TMEM132B: variants seen among roughly 807,000 people sequenced by gnomAD.
TMEM132B encodes transmembrane protein 132B.
TMEM132B carries 18 observed loss-of-function variants against 90.8 expected under a neutral mutation model. That is an observed-to-expected ratio of 0.20 (90% CI 0.14 to 0.29). The LOEUF (loss-of-function observed/expected upper bound fraction) is 0.29, where lower values mean the gene tolerates loss of function less well. TMEM132B is among the 10% of genes least tolerant of loss of function. The probability of loss-of-function intolerance (pLI) is 1.00; values close to 1 mark genes in which losing one functional copy is unlikely to be tolerated. For synonymous variants in TMEM132B, 504 were observed against 523.3 expected (o/e 0.96, Z 0.50); for missense variants, 1,096 against 1,326.8 (o/e 0.83, Z 2.70).
chr12:125,334,388 G>A (rs1239235124), intron 1 of TMEM132B, among the ~76,000 whole-genome samples: 5 of 103,296 alleles, frequency 4.8e-5, no homozygotes, highest in Middle Eastern at 4.1e-3. Context: ...CCTGGTGGGC[G>A]AGGAAGGGGA....
chr12:125,563,649 AG>A (rs765688869), intron 4 of TMEM132B, among the ~76,000 whole-genome samples: 25 of 152,154 alleles, frequency 1.6e-4, no homozygotes, highest in Non-Finnish European at 3.2e-4. Flanking sequence ...AAGCCAAGTG[AG>A]GTGTTCCCAT....
intron 4 of TMEM132B, among the ~76,000 whole-genome samples, chr12:125,521,815 A>G (rs566342413): frequency 1.4e-4 from 21 of 152,344 alleles, no homozygotes; most frequent in African/African-American, 4.8e-4. Flanking sequence ...CAGATCCTGC[A>G]AAGTCTTTCA....
chr12:125,641,643 C>T (rs1886633442), intron 5 of TMEM132B, among the ~76,000 whole-genome samples: 1 of 152,188 alleles, frequency 6.6e-6, no homozygotes, highest in South Asian at 2.1e-4. Context: ...CTATACATCA[C>T]TTCCTAAAAG....
intron 3 of TMEM132B, among the ~76,000 whole-genome samples, chr12:125,501,688 G>A (rs1410831608): frequency 6.6e-6 from 1 of 152,152 alleles, no homozygotes; most frequent in Non-Finnish European, 1.5e-5. Flanking sequence ...GCTGAATAAT[G>A]TACTGGGGTC....
chr12:125,556,306 T>C (rs559518439), intron 4 of TMEM132B, among the ~76,000 whole-genome samples: 2 of 152,360 alleles, frequency 1.3e-5, no homozygotes, highest in East Asian at 3.9e-4. Flanking sequence ...GTATATATCA[T>C]TTATAAATGC....
At chr12:125,648,428 A>T (rs903313424) in intron 6 of TMEM132B, among the ~76,000 whole-genome samples, 1 of 152,082 alleles carries the variant, frequency 6.6e-6, no homozygotes, top group South Asian at 2.1e-4. Flanking sequence ...TATGTTAATA[A>T]GCTCTATGTA....
chr12:125,291,538 C>T (rs1196669785), intron 1 of TMEM132B, among the ~76,000 whole-genome samples: 1 of 152,100 alleles, frequency 6.6e-6, no homozygotes, highest in Non-Finnish European at 1.5e-5. Flanking sequence ...TGAGAGCAGC[C>T]CCTGGCTGAC....
chr12:125,420,560 G>A (rs1310305592), intron 3 of TMEM132B, among the ~76,000 whole-genome samples: 1 of 152,126 alleles, frequency 6.6e-6, no homozygotes, highest in African/African-American at 2.4e-5. Flanking sequence ...TTTTTCCCTG[G>A]GCTTCTGGGC....
intron 5 of TMEM132B, among the ~76,000 whole-genome samples, chr12:125,629,307 C>A (rs1362174857): frequency 6.6e-6 from 1 of 151,948 alleles, no homozygotes; most frequent in Non-Finnish European, 1.5e-5. Flanking sequence ...TTGCTGTCCC[C>A]TTTAATTTCT....
At chr12:125,549,887 C>T (rs2136755759) in intron 4 of TMEM132B, among the ~76,000 whole-genome samples, 1 of 152,278 alleles carries the variant, frequency 6.6e-6, no homozygotes, top group Non-Finnish European at 1.5e-5. Context: ...GCCCTTGAAC[C>T]TTCTAGAACG....
In TMEM132B at chr12:125,650,578, C is replaced by A. The variant is rs79111190; in HGVS notation, c.1644-105C>A. On this transcript the variant is annotated intron_variant, in intron 6 of 8. Transcript: ENST00000682704. ...CTGAGCAGGTCCTGCAGGAGAAGGA[C>A]CATTTCATTTCATTCTGTGGGCTCA... The A allele has an allele frequency of 1.0e-3, 1,428 of 1,361,002 alleles. 9 individuals carry two copies. In the African/African-American group the frequency reaches 0.019, roughly 18 times the overall value. The allele number at this position is 1,361,002 out of a possible 1,614,324, so 84.3% of individuals were successfully genotyped here. A position where few individuals can be genotyped will look rare whatever the true frequency, so the allele number is the denominator to read the frequency against.
At chr12:125,338,799 T>C (rs1241013201) in intron 1 of TMEM132B, among the ~76,000 whole-genome samples, 1 of 152,232 alleles carries the variant, frequency 6.6e-6, no homozygotes, top group East Asian at 1.9e-4. Context: ...CCATTTCTCT[T>C]GATAATAGGT....
intron 2 of TMEM132B, among the ~76,000 whole-genome samples, chr12:125,399,009 C>T (rs149653612): frequency 6.6e-6 from 1 of 152,282 alleles, no homozygotes; most frequent in African/African-American, 2.4e-5. Flanking sequence ...TGGCTGGTGC[C>T]TGGAGGCTGC....
At chr12:125,345,605 G>A (rs1050457485) in intron 1 of TMEM132B, among the ~76,000 whole-genome samples, 1 of 152,178 alleles carries the variant, frequency 6.6e-6, no homozygotes, top group Non-Finnish European at 1.5e-5. Flanking sequence ...CTTCCTTGGA[G>A]CCATCTGCCA....
intron 2 of TMEM132B, among the ~76,000 whole-genome samples, chr12:125,370,994 A>G (rs569844271): frequency 6.6e-6 from 1 of 152,320 alleles, no homozygotes; most frequent in South Asian, 2.1e-4. Context: ...AAGCCTCAAA[A>G]GTAGGGAAGC....
chr12:125,585,251 G>A (rs1184149969), intron 5 of TMEM132B: 2 of 152,168 alleles, frequency 1.3e-5, no homozygotes, highest in Non-Finnish European at 2.9e-5. Context: ...ATGGAAGGTG[G>A]ACTGGCTTAA....
chr12:125,511,850 T>TAAAAA (rs1188465342), intron 3 of TMEM132B, among the ~76,000 whole-genome samples: 120 of 89,714 alleles, frequency 1.3e-3, no homozygotes, highest in African/African-American at 7.0e-3. Context: ...AGACTCTATC[T>TAAAAA]CAAAAAAAAA....
intron 3 of TMEM132B, among the ~76,000 whole-genome samples, chr12:125,451,435 A>G (rs551869075): frequency 3.3e-5 from 5 of 152,356 alleles, no homozygotes; most frequent in Non-Finnish European, 7.3e-5. Context: ...TAGATGCACA[A>G]GAATAAGAAA....
chr12:125,432,381 A>G (rs7138152), intron 3 of TMEM132B, among the ~76,000 whole-genome samples: 109 of 59,472 alleles, frequency 1.8e-3, no homozygotes, highest in African/African-American at 2.6e-3. Context: ...ATATATATAT[A>G]TATATATATA....
Sources: gnomAD v4.1 joint callset for allele counts (sites outside exome capture counted in the v4.1 genomes callset) on GRCh38, gnomAD v4.1.1 for gene constraint, MANE v1.5 for transcripts, NCBI Gene and HGNC (gene_info 2026-07-23, HGNC 2026-07-21) for gene names.